The following ATAD1 variants were observed in gnomAD, a reference collection of about 807,000 sequenced individuals.
The protein encoded by ATAD1 is outer mitochondrial transmembrane helix translocase.
ATAD1 carries 18 observed loss-of-function variants against 42.7 expected under a neutral mutation model. The ratio of observed to expected loss-of-function variants is 0.42; its 90% CI spans 0.29 to 0.63. The LOEUF is 0.63. Ranked by LOEUF, ATAD1 falls within the 20% of genes least tolerant of loss-of-function variation. ATAD1 has a pLI of 0.19. For synonymous variants in ATAD1, 132 were observed against 143.1 expected (o/e 0.92, Z 0.55); for missense variants, 294 against 440.4 (o/e 0.67, Z 2.98).
intron 8 of ATAD1, among the ~76,000 whole-genome samples, chr10:87,764,970 C>A (rs1464240661): frequency 6.6e-6 from 1 of 151,784 alleles, no homozygotes; most frequent in African/African-American, 2.4e-5. Context: ...ATTTAGAAAA[C>A]AATAATCAGA....
chr10:87,800,201 C>T (rs1856621700), intron 2 of ATAD1, among the ~76,000 whole-genome samples: 1 of 152,004 alleles, frequency 6.6e-6, no homozygotes, highest in African/African-American at 2.4e-5. Flanking sequence ...TATATACACA[C>T]ACACTAAATC....
At chr10:87,828,975 A>G (rs966566371) in intron 1 of ATAD1, among the ~76,000 whole-genome samples, 3 of 152,202 alleles carry the variant, frequency 2.0e-5, no homozygotes, top group African/African-American at 7.2e-5. Flanking sequence ...ATTCATTTCA[A>G]GATGTTAACT....
At chr10:87,837,071 C>T (rs1320953389) in intron 1 of ATAD1, among the ~76,000 whole-genome samples, 5 of 152,042 alleles carry the variant, frequency 3.3e-5, no homozygotes, top group Middle Eastern at 3.2e-3. Flanking sequence ...TTTAATCTTA[C>T]GTTCTGGTAC....
intron 2 of ATAD1, among the ~76,000 whole-genome samples, chr10:87,796,341 C>G (rs1856386916): frequency 6.6e-6 from 1 of 152,198 alleles, no homozygotes; most frequent in Non-Finnish European, 1.5e-5. Context: ...TTCAAAGTCA[C>G]CCCTCTGGCT....
intron 2 of ATAD1, among the ~76,000 whole-genome samples, chr10:87,796,009 T>C (rs529070973): frequency 6.6e-6 from 1 of 152,332 alleles, no homozygotes; most frequent in East Asian, 1.9e-4. Context: ...GATATAAAGC[T>C]TTTTAAAAAT....
intron 1 of ATAD1, among the ~76,000 whole-genome samples, chr10:87,836,665 T>C (rs1857935369): frequency 6.6e-6 from 1 of 152,244 alleles, no homozygotes; most frequent in African/African-American, 2.4e-5. Flanking sequence ...TGAGTTTCTT[T>C]GGTTATACCC....
intron 5 of ATAD1, among the ~76,000 whole-genome samples, chr10:87,777,951 T>C (rs963859927): frequency 6.6e-6 from 1 of 152,074 alleles, no homozygotes; most frequent in African/African-American, 2.4e-5. Context: ...AACCCATCTA[T>C]TCTGAAGGTG....
In ATAD1 at chr10:87,783,666, A is replaced by G. The variant is rs1855677306; in HGVS notation, c.583+804T>C. Reference sequence around the variant, plus strand: ...AGTATAACTATATATATTTATATATACATCGTACCAGGAACAGAACAAAAA... The same window carrying G: ...AGTATAACTATATATATTTATATATGCATCGTACCAGGAACAGAACAAAAA... On this transcript the variant is annotated intron_variant, in intron 5 of 9. Transcript: ENST00000680024. Among the ~76,000 whole-genome samples, 3 of 151,650 alleles carry G rather than the reference A, an allele frequency of 2.0e-5. No homozygotes were observed. In the South Asian group the frequency reaches 6.2e-4, roughly 31 times the overall value.
upstream of ATAD1, among the ~76,000 whole-genome samples, chr10:87,820,318 GA>G (rs1468999206): frequency 1.3e-5 from 2 of 152,144 alleles, no homozygotes; most frequent in African/African-American, 4.8e-5. Flanking sequence ...AATGAGCTGA[GA>G]AATTCAAGAT....
At chr10:87,779,265 T>C (rs1855459242) in intron 5 of ATAD1, among the ~76,000 whole-genome samples, 1 of 152,072 alleles carries the variant, frequency 6.6e-6, no homozygotes, top group African/African-American at 2.4e-5. Flanking sequence ...GCCACTGCAC[T>C]CCAGCCTGGG....
chr10:87,807,043 C>T lies in ATAD1; in HGVS notation c.162+7395G>A, dbSNP rs532916557. Reference sequence around the variant, plus strand: ...TATATACACTCAAGTTCTAACCAAACTTTTGAGTTACTCATCTCTGGTACT... The same window carrying T: ...TATATACACTCAAGTTCTAACCAAATTTTTGAGTTACTCATCTCTGGTACT... On this transcript the variant is annotated intron_variant, in intron 2 of 9. Transcript: ENST00000680024. Among the ~76,000 whole-genome samples the T allele has an allele frequency of 1.4e-4, 21 of 152,246 alleles. No homozygotes were observed. In the East Asian group the frequency reaches 3.3e-3, roughly 24 times the overall value.
At chr10:87,761,460 T>G (rs1269601666) in intron 8 of ATAD1, among the ~76,000 whole-genome samples, 1 of 152,014 alleles carries the variant, frequency 6.6e-6, no homozygotes, top group Non-Finnish European at 1.5e-5. Context: ...TCAGGAGTTC[T>G]AGACCAGCCT....
In ATAD1 at chr10:87,811,192, G is replaced by T. The variant is rs7920910; in HGVS notation, c.162+3246C>A. Among the ~76,000 whole-genome samples the T allele has an allele frequency of 4.7e-3, 713 of 151,952 alleles. 8 individuals are homozygous for T. The highest frequency in any genetic ancestry group is 0.016 in the African/African-American group (669 of 41,410). On this transcript the variant is annotated intron_variant, in intron 2 of 9. Coordinates refer to ENST00000680024, the MANE Select transcript of ATAD1 (RefSeq NM_001321967.2). Reference sequence around the variant, plus strand: ...TACTAAAACTACAAAAATTAGCCACGTGTGGTTGCACACTTCTGTAATCCC... The same window carrying T: ...TACTAAAACTACAAAAATTAGCCACTTGTGGTTGCACACTTCTGTAATCCC...
chr10:87,791,898 G>GGGTT (rs1564762357), intron 3 of ATAD1, among the ~76,000 whole-genome samples: 1 of 152,130 alleles, frequency 6.6e-6, no homozygotes, highest in Non-Finnish European at 1.5e-5. Context: ...GAAATCATTT[G>GGGTT]CCAAGGCCAT....
At chr10:87,829,218 A>T (rs1857782892) in intron 1 of ATAD1, among the ~76,000 whole-genome samples, 1 of 147,494 alleles carries the variant, frequency 6.8e-6, no homozygotes, top group Non-Finnish European at 1.5e-5. Context: ...TTCTGGAGGG[A>T]TTCATTATTT....
At chr10:87,757,088 T>A (rs1854256803) in intron 8 of ATAD1, among the ~76,000 whole-genome samples, 166 bp from the exon 9 acceptor site, 2 of 152,086 alleles carry the variant, frequency 1.3e-5, no homozygotes, top group Non-Finnish European at 2.9e-5. Context: ...AAATTTGAAA[T>A]ATAATTTTCA....
intron 2 of ATAD1, among the ~76,000 whole-genome samples, chr10:87,794,023 G>A (rs980004159): frequency 2.6e-5 from 4 of 151,918 alleles, no homozygotes; most frequent in African/African-American, 4.8e-5. Flanking sequence ...CCAGGAGTTC[G>A]AGACCAGCCT....
intron 2 of ATAD1, among the ~76,000 whole-genome samples, chr10:87,799,538 T>C (rs1186460840): frequency 1.3e-5 from 2 of 152,282 alleles, no homozygotes; most frequent in African/African-American, 2.4e-5. Context: ...TGAGGACAGC[T>C]TGGAGGTTAG....
At chr10:87,776,511 C>G (rs545080285) in intron 5 of ATAD1, 84 bp from the exon 6 acceptor site, 69 of 1,133,652 alleles carry the variant, frequency 6.1e-5, no homozygotes, top group Middle Eastern at 2.1e-4. Context: ...CTCTGTTGCC[C>G]AGGCTGGGGT....
Sources: gnomAD v4.1 joint callset for allele counts (sites outside exome capture counted in the v4.1 genomes callset) on GRCh38, gnomAD v4.1.1 for gene constraint, MANE v1.5 for transcripts, NCBI Gene and HGNC (gene_info 2026-07-23, HGNC 2026-07-21) for gene names.